Variants in ROCK1 observed in about 807,000 individuals in gnomAD.
ROCK1 encodes the protein Rho associated coiled-coil containing protein kinase 1.
In ROCK1, 36 loss-of-function variants were observed where a neutral mutation model predicts 196.8. The observed-to-expected ratio is 0.18, with a 90% CI of 0.14 to 0.24. The LOEUF is 0.24. Ranked by LOEUF, ROCK1 falls within the 10% of genes least tolerant of loss-of-function variation. ROCK1 has a pLI of 1.00. For missense variants in ROCK1, 920 were observed against 1,562.0 expected, an observed-to-expected ratio of 0.59 and a Z score of 6.93; for synonymous variants, 443 against 515.9, an observed-to-expected ratio of 0.86 and a Z score of 1.91.
At chr18:20,977,398 T>A (rs2035490479) in intron 22 of ROCK1, among the ~76,000 whole-genome samples, 1 of 152,232 alleles carries the variant, frequency 6.6e-6, no homozygotes, top group Non-Finnish European at 1.5e-5. Flanking sequence ...GATCACAGAT[T>A]GGCTTCTGCC....
intron 1 of ROCK1, among the ~76,000 whole-genome samples, chr18:21,086,761 G>GAAAAAAAA (rs1307007720): frequency 9.3e-6 from 1 of 107,750 alleles, no homozygotes; most frequent in Non-Finnish European, 2.0e-5. Flanking sequence ...TACATCCACT[G>GAAAAAAAA]AAAAAAAAAA....
intron 22 of ROCK1, among the ~76,000 whole-genome samples, chr18:20,973,886 T>C (rs2035454198): frequency 6.7e-6 from 1 of 149,060 alleles, no homozygotes; most frequent in Non-Finnish European, 1.5e-5. Flanking sequence ...GTTCACGCCA[T>C]TCTCCTGCCT....
At chr18:21,085,253 C>T (rs937597464) in intron 1 of ROCK1, among the ~76,000 whole-genome samples, 11 of 143,210 alleles carry the variant, frequency 7.7e-5, no homozygotes, top group African/African-American at 2.6e-4. Flanking sequence ...GATGCAGTGG[C>T]ATGCACCTGT....
chr18:21,072,436 G>T (rs2036393689), intron 1 of ROCK1, among the ~76,000 whole-genome samples: 1 of 152,146 alleles, frequency 6.6e-6, no homozygotes, highest in Non-Finnish European at 1.5e-5. Flanking sequence ...TGGGAGAGAG[G>T]GATGCAGGCT....
At chr18:21,012,213 A>T (rs1339821897) in intron 13 of ROCK1, among the ~76,000 whole-genome samples, 2 of 152,176 alleles carry the variant, frequency 1.3e-5, no homozygotes, top group Non-Finnish European at 2.9e-5. Context: ...AGCCTCCCAA[A>T]GTGTTGGGAT....
At chr18:21,044,642 C>T (rs1005036377) in intron 5 of ROCK1, among the ~76,000 whole-genome samples, 10 of 152,234 alleles carry the variant, frequency 6.6e-5, no homozygotes, top group East Asian at 5.8e-4. Flanking sequence ...TGAATAAATA[C>T]GACCTATTCA....
chr18:20,953,963 T>A (rs1318763583), intron 31 of ROCK1, among the ~76,000 whole-genome samples, 178 bp from the exon 32 acceptor site: 3 of 151,756 alleles, frequency 2.0e-5, no homozygotes, highest in Admixed American at 1.3e-4. Flanking sequence ...AAAAAAAAAA[T>A]TAGTCAAACT....
intron 8 of ROCK1, among the ~76,000 whole-genome samples, chr18:21,040,019 C>T (rs1254822801): frequency 1.1e-4 from 16 of 152,062 alleles, no homozygotes; most frequent in Admixed American, 5.2e-4. Flanking sequence ...ATTGCGCCAC[C>T]GCACTCCAGC....
At chr18:21,099,271 AATATATCTATGT>A (rs2036637217) in intron 1 of ROCK1, among the ~76,000 whole-genome samples, 1 of 152,286 alleles carries the variant, frequency 6.6e-6, no homozygotes, top group East Asian at 1.9e-4. Context: ...AAAGAATATA[AATATATCTATGT>A]ATATATCTAT....
At chr18:21,076,676 C>T (rs1167805342) in intron 1 of ROCK1, among the ~76,000 whole-genome samples, 10 of 139,232 alleles carry the variant, frequency 7.2e-5, no homozygotes, top group African/African-American at 2.7e-4. Flanking sequence ...GGTACATACA[C>T]ACACACACAC....
intron 32 of ROCK1, among the ~76,000 whole-genome samples, chr18:20,951,841 C>T (rs2035190831): frequency 1.3e-5 from 2 of 152,198 alleles, no homozygotes; most frequent in South Asian, 2.1e-4. Flanking sequence ...GGCAGCGAGG[C>T]AAATCAGTGT....
Position 20,984,508 on chromosome 18 carries a change from GCT to G in ROCK1, c.2330_2331del (p.Glu777AlafsTer5). On this transcript the variant is annotated frameshift_variant, in exon 20 of 33. Coordinates refer to ENST00000399799, the MANE Select transcript of ROCK1 (RefSeq NM_005406.3). LOFTEE classifies it high-confidence loss of function. Reference protein sequence around the residue: ...DEVKNLTLQLEQESNKRLLLQ... With the variant: ...DEVKNLTLQLXQESNKRLLLQ... ...AACAACAGCCGCTTATTTGATTCCT[GCT>G]CCAGTTGCAGGGTTAGATTCTTAAC... 1.2e-6 allele frequency: 2 copies of G among 1,612,012 alleles called. No homozygotes were observed.
At chr18:20,996,832 CTTGT>C (rs1288730353) in intron 16 of ROCK1, among the ~76,000 whole-genome samples, 1 of 152,088 alleles carries the variant, frequency 6.6e-6, no homozygotes, top group Non-Finnish European at 1.5e-5. Flanking sequence ...TTTCTCTTTG[CTTGT>C]TTGTTAGTTT....
At chr18:21,003,910 A>T (rs1339849652) in intron 16 of ROCK1, among the ~76,000 whole-genome samples, 4 of 151,882 alleles carry the variant, frequency 2.6e-5, no homozygotes, top group Non-Finnish European at 4.4e-5. Context: ...GCAAACAATT[A>T]AAAAAAACAG....
intron 20 of ROCK1, among the ~76,000 whole-genome samples, chr18:20,983,135 T>A (rs1220693550): frequency 2.0e-5 from 3 of 151,236 alleles, no homozygotes; most frequent in Non-Finnish European, 4.4e-5. Flanking sequence ...GATACCATAT[T>A]TTTGGTAAAT....
chr18:20,983,205 G>A (rs1019142373), intron 20 of ROCK1, among the ~76,000 whole-genome samples: 1 of 150,710 alleles, frequency 6.6e-6, no homozygotes, highest in East Asian at 1.9e-4. Flanking sequence ...TAAAAAAAGA[G>A]GGGGGCATGA....
intron 1 of ROCK1, among the ~76,000 whole-genome samples, chr18:21,093,005 T>G (rs2036583513): frequency 6.6e-6 from 1 of 152,194 alleles, no homozygotes; most frequent in African/African-American, 2.4e-5. Context: ...GCAACCGTAA[T>G]GTATCTTGGT....
At chr18:21,088,937 C>T (rs1477595623) in intron 1 of ROCK1, among the ~76,000 whole-genome samples, 2 of 152,116 alleles carry the variant, frequency 1.3e-5, no homozygotes, top group East Asian at 3.9e-4. Context: ...AACAAATTTC[C>T]GTTCTTTATA....
chr18:21,107,340 G>C (rs2036711546), intron 1 of ROCK1, among the ~76,000 whole-genome samples: 1 of 151,744 alleles, frequency 6.6e-6, no homozygotes, highest in South Asian at 2.1e-4. Context: ...GAAACCAAAA[G>C]ATTTGGAAGT....
Sources: allele counts gnomAD v4.1 joint callset (sites outside exome capture counted in the v4.1 genomes callset), GRCh38; gene constraint gnomAD v4.1.1; transcripts MANE v1.5; gene names NCBI Gene and HGNC (gene_info 2026-07-23, HGNC 2026-07-21).